The following RAPGEF5 variants were observed in gnomAD, a reference collection of about 807,000 sequenced individuals.
RAPGEF5 encodes the protein M-Ras-regulated GEF.
In RAPGEF5, 65 loss-of-function variants were observed where a neutral mutation model predicts 125.2. The observed-to-expected ratio is 0.52, with a 90% CI of 0.43 to 0.64. The LOEUF (loss-of-function observed/expected upper bound fraction) is 0.64. Ranked by LOEUF, RAPGEF5 falls within the 30% of genes least tolerant of loss-of-function variation. The probability of loss-of-function intolerance (pLI) is 0.00; values close to 1 mark genes in which losing one functional copy is unlikely to be tolerated. For missense variants in RAPGEF5, 958 were observed against 1,048.1 expected (o/e 0.91, Z 1.19); for synonymous variants, 391 against 385.9 (o/e 1.01, Z -0.16).
In RAPGEF5 at chr7:22,309,959, T is replaced by G. The variant is rs1299822156; in HGVS notation, c.511+10A>C. On this transcript the variant is annotated intron_variant, in intron 4 of 25. Transcript: ENST00000665637. Reference sequence around the variant, plus strand: ...ATAATGATGCTGTGCCTTCAAGACATAATACTAACCTGATAACATAATTCC... The same window carrying G: ...ATAATGATGCTGTGCCTTCAAGACAGAATACTAACCTGATAACATAATTCC... The G allele has an allele frequency of 6.4e-7, 1 of 1,563,936 alleles. No individual in the cohort carries two copies. Among genetic ancestry groups the G allele is most frequent in the African/African-American group, 1.4e-5 (1 of 71,400 alleles).
intron 9 of RAPGEF5, among the ~76,000 whole-genome samples, chr7:22,207,936 G>T (rs1402841625): frequency 6.6e-6 from 1 of 152,074 alleles, no homozygotes; most frequent in Non-Finnish European, 1.5e-5. Flanking sequence ...TTACAGGAAT[G>T]TGAGAAAACA....
chr7:22,235,606 T>C (rs1010449475), intron 7 of RAPGEF5, among the ~76,000 whole-genome samples: 1 of 152,246 alleles, frequency 6.6e-6, no homozygotes, highest in Non-Finnish European at 1.5e-5. Context: ...ATCTTTTACA[T>C]GTTCTGTGGG....
At position 22,247,925 on chromosome 7, in the gene RAPGEF5, G is replaced by C. The variant is rs143810872; in HGVS notation, c.797-17006C>G. 2.8e-3 allele frequency among the ~76,000 whole-genome samples: 425 copies of C among 152,204 alleles called. 1 individual carries two copies. Among genetic ancestry groups the C allele is most frequent in the African/African-American group, 9.8e-3 (407 of 41,554 alleles). On this transcript the variant is annotated intron_variant, in intron 7 of 25. Transcript: ENST00000665637. ...ACTTATAAGTGGGAGCTAAACAATG[G>C]GTACTTATGGACAAAAAGATGGCAA...
intron 1 of RAPGEF5, among the ~76,000 whole-genome samples, chr7:22,339,024 T>G (rs189916419): frequency 6.6e-6 from 1 of 152,176 alleles, no homozygotes; most frequent in African/African-American, 2.4e-5. Flanking sequence ...AGGAGGTGGG[T>G]GAGTGGGCTC....
chr7:22,293,616 T>A (rs1426593821), intron 5 of RAPGEF5, among the ~76,000 whole-genome samples: 2 of 152,108 alleles, frequency 1.3e-5, no homozygotes, highest in African/African-American at 4.8e-5. Context: ...ACTCCAAACC[T>A]TCAAGGATTT....
chr7:22,322,175 G>A (rs546257761), intron 1 of RAPGEF5, among the ~76,000 whole-genome samples: 2 of 149,266 alleles, frequency 1.3e-5, no homozygotes, highest in Admixed American at 6.7e-5. Context: ...TCACCATGTC[G>A]TCCAGGCTGG....
intron 15 of RAPGEF5, 90 bp downstream of exon 15, chr7:22,157,765 A>G: frequency 7.2e-7 from 1 of 1,385,374 alleles, no homozygotes; most frequent in Non-Finnish European, 1.0e-6. Flanking sequence ...TCGAGGCAGT[A>G]TTCATTTTAA....
intron 1 of RAPGEF5, among the ~76,000 whole-genome samples, chr7:22,339,992 G>T (rs1784095553): frequency 6.6e-6 from 1 of 152,156 alleles, no homozygotes; most frequent in South Asian, 2.1e-4. Context: ...AGTGGGGAAT[G>T]TGAGAACTTA....
intron 11 of RAPGEF5, among the ~76,000 whole-genome samples, chr7:22,172,443 T>C (rs190581084): frequency 3.9e-5 from 6 of 152,270 alleles, no homozygotes; most frequent in Admixed American, 2.0e-4. Flanking sequence ...TTTTAGGTCA[T>C]ATAAAAATAA....
At chr7:22,209,814 G>C (rs1477603233) in intron 9 of RAPGEF5, among the ~76,000 whole-genome samples, 2 of 152,134 alleles carry the variant, frequency 1.3e-5, no homozygotes, top group Non-Finnish European at 2.9e-5. Flanking sequence ...AGAGATAAAA[G>C]CACAAAGCCT....
intron 11 of RAPGEF5, among the ~76,000 whole-genome samples, chr7:22,177,317 G>C (rs935295231): frequency 1.3e-5 from 2 of 152,224 alleles, no homozygotes; most frequent in African/African-American, 4.8e-5. Context: ...CATTGGCCTT[G>C]AGTCACCTAA....
intron 12 of RAPGEF5, among the ~76,000 whole-genome samples, chr7:22,164,058 C>G (rs368459609): frequency 2.0e-5 from 3 of 152,098 alleles, no homozygotes; most frequent in Non-Finnish European, 4.4e-5. Flanking sequence ...TCTAGGCCAA[C>G]CATGGTGGCT....
intron 7 of RAPGEF5, among the ~76,000 whole-genome samples, chr7:22,235,078 C>G (rs1786154925): frequency 6.6e-6 from 1 of 152,054 alleles, no homozygotes; most frequent in Admixed American, 6.5e-5. Flanking sequence ...ACAAACCAAC[C>G]CCAAAGATGA....
chr7:22,243,503 G>T (rs1009230621), intron 7 of RAPGEF5, among the ~76,000 whole-genome samples: 1 of 152,070 alleles, frequency 6.6e-6, no homozygotes, highest in Admixed American at 6.5e-5. Flanking sequence ...TGATCCACCC[G>T]TCTCGGCCTC....
intron 11 of RAPGEF5, among the ~76,000 whole-genome samples, chr7:22,178,223 A>C (rs1164049744): frequency 6.6e-6 from 1 of 152,228 alleles, no homozygotes; most frequent in Non-Finnish European, 1.5e-5. Context: ...AAAAACTAAA[A>C]AAATTGTTTA....
intron 1 of RAPGEF5, among the ~76,000 whole-genome samples, chr7:22,332,623 G>A (rs563741502): frequency 1.3e-5 from 2 of 152,292 alleles, no homozygotes; most frequent in South Asian, 2.1e-4. Flanking sequence ...TATTATGGAC[G>A]AGATTTGACA....
At chr7:22,288,726 G>A (rs888184354) in intron 6 of RAPGEF5, among the ~76,000 whole-genome samples, 13 of 152,006 alleles carry the variant, frequency 8.6e-5, no homozygotes, top group African/African-American at 3.1e-4. Flanking sequence ...GTTTCACCGT[G>A]TTAGCCAGGA....
intron 25 of RAPGEF5, among the ~76,000 whole-genome samples, chr7:22,124,504 A>C (rs1782677068): frequency 6.6e-6 from 1 of 152,232 alleles, no homozygotes; most frequent in Admixed American, 6.5e-5. Flanking sequence ...TCCACACAGA[A>C]GTCCAGTTCC....
chr7:22,288,574 C>T (rs1457166011), intron 6 of RAPGEF5, among the ~76,000 whole-genome samples: 1 of 150,614 alleles, frequency 6.6e-6, no homozygotes, highest in Non-Finnish European at 1.5e-5. Context: ...CCAGGCCAGA[C>T]TGCAGTGGCG....
Sources: allele counts gnomAD v4.1 joint callset (sites outside exome capture counted in the v4.1 genomes callset), GRCh38; gene constraint gnomAD v4.1.1; transcripts MANE v1.5; gene names NCBI Gene and HGNC (gene_info 2026-07-23, HGNC 2026-07-21).